The following HSPA12A variants were observed in gnomAD, a reference collection of about 807,000 sequenced individuals.
HSPA12A encodes the protein heat shock protein family A (Hsp70) member 12A, also known as heat shock 70 kDa protein 12A.
In HSPA12A, 28 loss-of-function variants were observed where a neutral mutation model predicts 69.2. The observed-to-expected ratio is 0.40, with a 90% confidence interval of 0.30 to 0.55. The LOEUF is 0.55. Among genes scored for constraint, HSPA12A ranks in the 20% least tolerant of loss-of-function variants. The probability of loss-of-function intolerance (pLI) is 0.38; values close to 1 mark genes in which losing one functional copy is unlikely to be tolerated. For missense variants in HSPA12A, 686 were observed against 900.7 expected, an observed-to-expected ratio of 0.76 and a Z score of 3.05; for synonymous variants, 345 against 370.5, an observed-to-expected ratio of 0.93 and a Z score of 0.79.
intron 2 of HSPA12A, among the ~76,000 whole-genome samples, chr10:116,763,711 A>G (rs1387761536): frequency 1.3e-5 from 2 of 152,190 alleles, no homozygotes; most frequent in South Asian, 2.1e-4. Context: ...CATGAACAAA[A>G]TGTGCTCTGG....
chr10:116,813,407 C>T (rs1343167846), intron 2 of HSPA12A, among the ~76,000 whole-genome samples: 5 of 151,676 alleles, frequency 3.3e-5, no homozygotes, highest in East Asian at 2.0e-4. Flanking sequence ...CCACCACGCC[C>T]GGCTAATTTT....
At chr10:116,800,131 G>A (rs1844923889) in intron 2 of HSPA12A, among the ~76,000 whole-genome samples, 1 of 152,158 alleles carries the variant, frequency 6.6e-6, no homozygotes, top group African/African-American at 2.4e-5. Context: ...CTGATACCAT[G>A]GGCAACTGGC....
intron 2 of HSPA12A, among the ~76,000 whole-genome samples, chr10:116,763,479 T>C (rs1844014878): frequency 6.6e-6 from 1 of 152,236 alleles, no homozygotes; most frequent in South Asian, 2.1e-4. Context: ...CTCTTTCTTC[T>C]GCATACATCG....
intron 6 of HSPA12A, among the ~76,000 whole-genome samples, chr10:116,687,563 A>G (rs1296129511): frequency 6.6e-6 from 1 of 152,134 alleles, no homozygotes; most frequent in Non-Finnish European, 1.5e-5. Context: ...GAAATGCTAA[A>G]GTATCGCCCA....
Position 116,672,220 on chromosome 10 carries a change from A to T in HSPA12A, c.*2561T>A, listed in dbSNP as rs1336444479. On this transcript the variant is annotated 3_prime_UTR_variant, in exon 12 of 12. Transcript: ENST00000369209. ...TTGACCCTAGCATCCTGAAAACATC[A>T]CACACAGTGGACCACGCTTTGCCCT... 1 of 152,186 alleles carries T rather than the reference A, an allele frequency of 6.6e-6. No individual in the cohort carries two copies. The highest frequency in any genetic ancestry group is 2.4e-5 in the African/African-American group (1 of 41,428). 9.4% of individuals were successfully genotyped at this position (152,186 alleles called of 1,614,324 possible). A position where few individuals can be genotyped will look rare whatever the true frequency, so the allele number is the denominator to read the frequency against.
Position 116,742,506 on chromosome 10 carries a change from C to T in HSPA12A, c.-37G>A. 2.4e-6 allele frequency: 3 copies of T among 1,267,936 alleles called. No individual in the cohort carries two copies. The highest frequency in any genetic ancestry group is 3.5e-5 in the East Asian group (1 of 28,808). 78.5% of individuals were successfully genotyped at this position (1,267,936 alleles called of 1,614,324 possible). On this transcript the variant is annotated 5_prime_UTR_variant, in exon 1 of 12. Coordinates refer to ENST00000369209, the MANE Select transcript of HSPA12A (RefSeq NM_025015.3). Reference sequence around the variant, plus strand: ...CCCGGACCGCGAGGGGAGCCTCCAGCGCAGCGCCCGTGCCCGTGCGGGTCT... The same window carrying T: ...CCCGGACCGCGAGGGGAGCCTCCAGTGCAGCGCCCGTGCCCGTGCGGGTCT...
At chr10:116,827,445 T>G (rs2133205151) in intron 2 of HSPA12A, 1 of 152,418 alleles carries the variant, frequency 6.6e-6, no homozygotes, top group East Asian at 1.9e-4. Context: ...GTAGCCACTG[T>G]GATGCTGCTG....
At position 116,844,228 on chromosome 10, in the gene HSPA12A, T is replaced by C. The variant is rs73387522; in HGVS notation, c.3+5338A>G. ...GCCAATCACTTACCTTTTGTGGCTG[T>C]TCTGCAGATTCAATGAAATGATGTA... On this transcript the variant is annotated intron_variant, in intron 1 of 12. Coordinates refer to the HSPA12A transcript ENST00000635765. Among the ~76,000 whole-genome samples the C allele has an allele frequency of 2.7e-3, 405 of 152,346 alleles. 1 individual carries two copies. Among genetic ancestry groups the C allele is most frequent in the African/African-American group, 9.4e-3 (389 of 41,590 alleles).
chr10:116,734,666 G>A (rs74881776), intron 1 of HSPA12A, among the ~76,000 whole-genome samples: 1 of 55,094 alleles, frequency 1.8e-5, no homozygotes, highest in Non-Finnish European at 4.1e-5. Flanking sequence ...TTTTTTTTTT[G>A]CTTTTTTCAT....
chr10:116,778,895 A>G (rs1844400970), intron 2 of HSPA12A, among the ~76,000 whole-genome samples: 1 of 152,178 alleles, frequency 6.6e-6, no homozygotes, highest in Admixed American at 6.5e-5. Context: ...TGACTGCACC[A>G]TTGCACTCGC....
upstream of HSPA12A, among the ~76,000 whole-genome samples, chr10:116,747,069 C>T (rs1554887881): frequency 1.3e-5 from 2 of 152,216 alleles, no homozygotes. Context: ...ACTGTCAGTG[C>T]ATTTTAAAAA....
chr10:116,816,109 A>T (rs1304899119), intron 2 of HSPA12A, among the ~76,000 whole-genome samples: 4 of 152,200 alleles, frequency 2.6e-5, no homozygotes, highest in African/African-American at 9.6e-5. Context: ...AGGAACTCGC[A>T]TGCTGGCCGC....
intron 1 of HSPA12A, among the ~76,000 whole-genome samples, chr10:116,722,146 T>C (rs989602574): frequency 2.0e-5 from 3 of 152,200 alleles, no homozygotes; most frequent in Admixed American, 6.5e-5. Context: ...TCTGACTTCA[T>C]TGTTATCTTT....
intron 2 of HSPA12A, among the ~76,000 whole-genome samples, chr10:116,776,125 G>A (rs561394496): frequency 6.6e-6 from 1 of 152,314 alleles, no homozygotes; most frequent in African/African-American, 2.4e-5. Context: ...CTGGTTCCCA[G>A]GTCCCTGTTT....
At chr10:116,741,487 G>A (rs1314958323) in intron 1 of HSPA12A, among the ~76,000 whole-genome samples, 6 of 152,348 alleles carry the variant, frequency 3.9e-5, no homozygotes, top group Non-Finnish European at 8.8e-5. Context: ...CCCGGCGGCC[G>A]CTCTCGCCGA....
chr10:116,811,189 A>C (rs1845173598), intron 2 of HSPA12A, among the ~76,000 whole-genome samples: 1 of 152,208 alleles, frequency 6.6e-6, no homozygotes, highest in East Asian at 1.9e-4. Flanking sequence ...CTTAAGAGCA[A>C]GAAAACACAT....
chr10:116,676,615 A>G, intron 10 of HSPA12A, 113 bp from the exon 11 acceptor site: 1 of 840,914 alleles, frequency 1.2e-6, no homozygotes, highest in Non-Finnish European at 1.9e-6. Flanking sequence ...AGCAGGCAGA[A>G]AGGGGGTTGA....
chr10:116,685,638 GAA>G (rs202232720), intron 6 of HSPA12A, among the ~76,000 whole-genome samples: 4 of 80,098 alleles, frequency 5.0e-5, no homozygotes, highest in Admixed American at 1.4e-4. Context: ...TCCATCTCAA[GAA>G]AAAAAAAAAA....
At chr10:116,822,432 C>T (rs562396626) in intron 2 of HSPA12A, among the ~76,000 whole-genome samples, 1 of 152,312 alleles carries the variant, frequency 6.6e-6, no homozygotes, top group Non-Finnish European at 1.5e-5. Flanking sequence ...ATCACCAGGA[C>T]GCCCTGTGGG....
Sources: allele counts gnomAD v4.1 joint callset (sites outside exome capture counted in the v4.1 genomes callset), GRCh38; gene constraint gnomAD v4.1.1; transcripts MANE v1.5; gene names NCBI Gene and HGNC (gene_info 2026-07-23, HGNC 2026-07-21).